The following MME variants were observed in gnomAD, a reference collection of about 807,000 sequenced individuals.
The protein encoded by MME is neprilysin.
In MME, 98 loss-of-function variants were observed where a neutral mutation model predicts 113.2. The ratio of observed to expected loss-of-function variants is 0.87; its 90% confidence interval spans 0.74 to 1.02. The LOEUF is 1.02. MME is among the 50% of genes least tolerant of loss of function. The pLI is 0.00. For missense variants in MME, 836 were observed against 896.0 expected, an observed-to-expected ratio of 0.93 and a Z score of 0.86; for synonymous variants, 292 against 300.6, an observed-to-expected ratio of 0.97 and a Z score of 0.30.
intron 1 of MME, among the ~76,000 whole-genome samples, chr3:155,026,630 A>G (rs925233156): frequency 1.3e-5 from 2 of 152,178 alleles, no homozygotes; most frequent in Non-Finnish European, 2.9e-5. Flanking sequence ...AGCCTGAGGC[A>G]TAAGAATCGC....
Position 155,142,135 on chromosome 3 carries a change from T to C in MME, c.1094+8T>C. On this transcript the variant is annotated splice_region_variant and intron_variant, in intron 11 of 22. Coordinates refer to ENST00000360490, the MANE Select transcript of MME (RefSeq NM_007289.4). ...TACCAAATATTCTGCCAGGTAGGTA[T>C]GTCACAGTCCCCATGTCCTCAAAGT... 1 of 1,613,828 alleles carries C rather than the reference T, an allele frequency of 6.2e-7. No homozygotes were observed. The highest frequency in any genetic ancestry group is 2.2e-5 in the East Asian group (1 of 44,876).
chr3:155,137,199 A>G (rs1007124444), intron 8 of MME, among the ~76,000 whole-genome samples: 1 of 152,214 alleles, frequency 6.6e-6, no homozygotes, highest in Non-Finnish European at 1.5e-5. Context: ...GGTATCGTAT[A>G]GTGAAATTTT....
chr3:155,079,110 C>A (rs533873516), upstream of MME, among the ~76,000 whole-genome samples: 8 of 151,572 alleles, frequency 5.3e-5, no homozygotes, highest in East Asian at 1.2e-3. Context: ...GAGAGTACTT[C>A]GACCAAGGAA....
At chr3:155,158,786 ATTG>A (rs1431694752) in intron 16 of MME, 3 of 152,030 alleles carry the variant, frequency 2.0e-5, no homozygotes, top group African/African-American at 7.2e-5. Context: ...ATAAAATTAT[ATTG>A]TTGTAATCAT....
chr3:155,127,863 TC>T (rs1559936287), intron 8 of MME, among the ~76,000 whole-genome samples: 1 of 152,250 alleles, frequency 6.6e-6, no homozygotes, highest in Non-Finnish European at 1.5e-5. Context: ...AGTTGGTACT[TC>T]ATACTAGTAG....
chr3:155,159,783 T>C (rs1300212401), intron 16 of MME, among the ~76,000 whole-genome samples: 1 of 152,006 alleles, frequency 6.6e-6, no homozygotes, highest in African/African-American at 2.4e-5. Flanking sequence ...ACAAATCTAC[T>C]TAAGAATGAC....
At chr3:155,032,026 C>A (rs1331777518) in intron 1 of MME, among the ~76,000 whole-genome samples, 1 of 152,192 alleles carries the variant, frequency 6.6e-6, no homozygotes. Flanking sequence ...ACCCCATTTT[C>A]ACTATTTTAG....
chr3:155,090,169 G>C (rs1309342565), intron 3 of MME: 1 of 155,100 alleles, frequency 6.4e-6, no homozygotes, highest in Admixed American at 6.4e-5. Context: ...CAGGCTTGTG[G>C]AACATCAAGA....
intron 8 of MME, among the ~76,000 whole-genome samples, chr3:155,127,264 C>T (rs1719762165): frequency 6.6e-6 from 1 of 152,162 alleles, no homozygotes; most frequent in Non-Finnish European, 1.5e-5. Context: ...GGAAGCTCTG[C>T]TCCATGGGAA....
At chr3:155,142,970 CA>C (rs1382132600) in intron 12 of MME, among the ~76,000 whole-genome samples, 2 of 152,164 alleles carry the variant, frequency 1.3e-5, no homozygotes, top group African/African-American at 2.4e-5. Context: ...TTAAAGAATG[CA>C]AAAATGTATT....
At chr3:155,071,036 T>A (rs1576682455) in intron 1 of MME, among the ~76,000 whole-genome samples, 2 of 152,314 alleles carry the variant, frequency 1.3e-5, no homozygotes, top group Non-Finnish European at 2.9e-5. Flanking sequence ...CATATGCACA[T>A]GTTCCTTGGT....
At chr3:155,122,317 T>C (rs1362084284) in intron 8 of MME, among the ~76,000 whole-genome samples, 2 of 150,514 alleles carry the variant, frequency 1.3e-5, no homozygotes, top group African/African-American at 2.4e-5. Flanking sequence ...TTTTTTTCTT[T>C]ATTAGTCTTA....
At chr3:155,164,908 G>A (rs1190742531) in intron 17 of MME, among the ~76,000 whole-genome samples, 1 of 152,094 alleles carries the variant, frequency 6.6e-6, no homozygotes, top group Non-Finnish European at 1.5e-5. Context: ...CAATTAAATT[G>A]CTCAGATGCT....
At chr3:155,047,679 CAGG>C (rs1460196040) in intron 1 of MME, among the ~76,000 whole-genome samples, 1 of 152,122 alleles carries the variant, frequency 6.6e-6, no homozygotes, top group Non-Finnish European at 1.5e-5. Flanking sequence ...TCAAGGATGA[CAGG>C]AGTTCATTGT....
At chr3:155,030,744 T>G (rs900662741) in intron 1 of MME, among the ~76,000 whole-genome samples, 2 of 152,236 alleles carry the variant, frequency 1.3e-5, no homozygotes, top group African/African-American at 4.8e-5. Flanking sequence ...TTTTGCTAGC[T>G]GCAAATGGAA....
rs560106033 is a variant in MME, at chr3:155,085,974, C to T, written c.196+880C>T. ...TGATAGAAGGACACATTATGGAGAA[C>T]CTTGAAATCCATGTTTAGCCTTGAT... On this transcript the variant is annotated intron_variant, in intron 3 of 22. Transcript: ENST00000360490. 2.0e-5 allele frequency among the ~76,000 whole-genome samples: 3 copies of T among 152,244 alleles called. No homozygotes were observed. In the East Asian group the frequency reaches 5.8e-4, roughly 29 times the overall value.
At chr3:155,103,352 G>A (rs1018767715) in intron 3 of MME, among the ~76,000 whole-genome samples, 4 of 151,580 alleles carry the variant, frequency 2.6e-5, no homozygotes, top group Admixed American at 6.6e-5. Flanking sequence ...CTGCCTCAAG[G>A]AAACGTTTTC....
chr3:155,075,072 C>A (rs1176022603), upstream of MME, among the ~76,000 whole-genome samples: 1 of 149,582 alleles, frequency 6.7e-6, no homozygotes, highest in Non-Finnish European at 1.5e-5. Context: ...CACCCATTAA[C>A]ATGGGTGATT....
At chr3:155,148,263 CAT>C (rs1721674125) in intron 15 of MME, among the ~76,000 whole-genome samples, 2 of 152,040 alleles carry the variant, frequency 1.3e-5, no homozygotes, top group East Asian at 1.9e-4. Context: ...CTATTATCCA[CAT>C]GTGTTATGTG....
Sources: gnomAD v4.1 joint callset for allele counts (sites outside exome capture counted in the v4.1 genomes callset) on GRCh38, gnomAD v4.1.1 for gene constraint, MANE v1.5 for transcripts, NCBI Gene and HGNC (gene_info 2026-07-23, HGNC 2026-07-21) for gene names.